Variants in USP40 observed in about 807,000 individuals in gnomAD.
USP40 encodes ubiquitin carboxyl-terminal hydrolase 40.
Under a neutral mutation model 166.2 loss-of-function variants are expected in USP40, and 143 were observed. The observed-to-expected ratio is 0.86, with a 90% CI of 0.75 to 0.99. The LOEUF is 0.99. USP40 is among the 50% of genes least tolerant of loss of function. The pLI is 0.00. For missense variants in USP40, 1,444 were observed against 1,479.7 expected (o/e 0.98, Z 0.40); for synonymous variants, 498 against 524.0 (o/e 0.95, Z 0.68).
At chr2:233,556,618 C>T in intron 5 of USP40, 1 of 255,872 alleles carries the variant, frequency 3.9e-6, no homozygotes, top group East Asian at 7.7e-5. Context: ...AATCTATTTT[C>T]CAAATATTAG....
rs1425552457 is a variant in USP40 at position 233,517,379 on chromosome 2, G to T, written c.2383+2235C>A. ...CAAAAAAGATACTTGCACATGCATG[G>T]TTTTTTGTTTTTTTTTTTTTTTTGA... On this transcript the variant is annotated intron_variant, in intron 18 of 31. Transcript: ENST00000678225. Among the ~76,000 whole-genome samples, 18 of 137,210 alleles carry T rather than the reference G, an allele frequency of 1.3e-4. No individual in the cohort carries two copies. The East Asian group carries it at 3.1e-3, about 23-fold the overall frequency. 90.0% of individuals were successfully genotyped at this position (137,210 alleles called of 152,430 possible). A position where few individuals can be genotyped will look rare whatever the true frequency, so the allele number is the denominator to read the frequency against.
At chr2:233,485,275 A>C (rs2064873367) in intron 30 of USP40, among the ~76,000 whole-genome samples, 1 of 152,202 alleles carries the variant, frequency 6.6e-6, no homozygotes, top group Non-Finnish European at 1.5e-5. Flanking sequence ...CTAGTATTTT[A>C]CTTAGAATTT....
rs1054644211 is a variant in USP40, at chr2:233,486,153, A to T, written c.3198-176T>A. Among the ~76,000 whole-genome samples the T allele has an allele frequency of 1.3e-5, 2 of 152,124 alleles. No homozygotes were observed. The highest frequency in any genetic ancestry group is 4.8e-5 in the African/African-American group (2 of 41,430). On this transcript the variant is annotated intron_variant, in intron 28 of 31. Transcript: ENST00000678225. The surrounding 1 kb of genome is among the most constrained non-coding windows in gnomAD (Gnocchi z 4.0). ...CTTATTCCGCATTTCAATTTCCTTT[A>T]ATCTTGGAATGAAGAGCGGAAGTGA...
chr2:233,498,816 G>A (rs145787774), intron 22 of USP40, among the ~76,000 whole-genome samples: 1 of 152,294 alleles, frequency 6.6e-6, no homozygotes, highest in Non-Finnish European at 1.5e-5. Context: ...TCACTGACAT[G>A]ATCTCACCTG....
chr2:233,513,078 T>G (rs2066942913), intron 18 of USP40, among the ~76,000 whole-genome samples: 1 of 152,214 alleles, frequency 6.6e-6, no homozygotes, highest in Admixed American at 6.5e-5. Flanking sequence ...TTAAAATGTT[T>G]TCTGTCTTTG....
chr2:233,517,820 GTGTGTA>G (rs1339562345), intron 18 of USP40, among the ~76,000 whole-genome samples: 63 of 146,414 alleles, frequency 4.3e-4, no homozygotes, highest in Non-Finnish European at 7.8e-4. Context: ...GTGTGTGTGT[GTGTGTA>G]TGATGGAATA....
At chr2:233,494,919 TATATATATATATATATA>T (rs2065587424) in intron 24 of USP40, among the ~76,000 whole-genome samples, 13 of 80,284 alleles carry the variant, frequency 1.6e-4, no homozygotes, top group Middle Eastern at 0.011. Flanking sequence ...AAATGGCATA[TATATATATATATATATA>T]TATATATATA....
intron 21 of USP40, among the ~76,000 whole-genome samples, chr2:233,505,559 A>G (rs2066363379): frequency 6.6e-6 from 1 of 152,192 alleles, no homozygotes; most frequent in Non-Finnish European, 1.5e-5. Context: ...CTACTTGCCA[A>G]TAAATTTAAA....
At chr2:233,520,903 C>T in intron 17 of USP40, 88 bp downstream of exon 17, 2 of 1,422,720 alleles carry the variant, frequency 1.4e-6, no homozygotes. Flanking sequence ...ATTGAGACAA[C>T]TGTTCTGAAA....
chr2:233,478,767 T>C (rs1160518579), intron 31 of USP40, among the ~76,000 whole-genome samples: 1 of 151,914 alleles, frequency 6.6e-6, no homozygotes, highest in African/African-American at 2.4e-5. Context: ...GGCAGCTGAG[T>C]ACACACTGGT....
chr2:233,523,101 G>C, intron 16 of USP40, 69 bp downstream of exon 16: 1 of 1,459,966 alleles, frequency 6.8e-7, no homozygotes. Flanking sequence ...TAAAGCTTTA[G>C]AGTTCTGCTG....
chr2:233,551,475 T>C lies in USP40; in HGVS notation c.738A>G (p.Leu246=). Residue 246 remains leucine, a synonymous_variant, in exon 7 of 32, where the codon TTA becomes TTG. Coordinates refer to ENST00000678225, the MANE Select transcript of USP40 (RefSeq NM_001365479.2). Reference sequence around the variant, plus strand: ...TCACAAAATCAAAATTAAATCTTAGTAATGAAACAGTAAGAAAAGGAGGCA... The same window carrying C: ...TCACAAAATCAAAATTAAATCTTAGCAATGAAACAGTAAGAAAAGGAGGCA... The part of the protein sequence containing the change: ...RKLPPFLTVS[L]LRFNFDFVKC... 6.2e-7 allele frequency: 1 copy of C among 1,609,706 alleles called. No individual in the cohort carries two copies. Among genetic ancestry groups the C allele is most frequent in the Non-Finnish European group, 8.5e-7 (1 of 1,178,100 alleles).
At chr2:233,501,348 A>C (rs2066060801) in intron 21 of USP40, among the ~76,000 whole-genome samples, 1 of 152,246 alleles carries the variant, frequency 6.6e-6, no homozygotes, top group South Asian at 2.1e-4. Context: ...ACCAGATCAC[A>C]TAGGCCCTTG....
In USP40 at chr2:233,475,815, A is replaced by G. The variant is rs1454257084; in HGVS notation, c.*1577T>C. On this transcript the variant is annotated 3_prime_UTR_variant, in exon 32 of 32. Coordinates refer to ENST00000678225, the MANE Select transcript of USP40 (RefSeq NM_001365479.2). ...TGAGATGAAGGCAGATGCTACAGAA[A>G]TATGTCAGTTAAAGCCACAGAAACA... 1 of 152,404 alleles carries G rather than the reference A, an allele frequency of 6.6e-6. No homozygotes were observed. The highest frequency in any genetic ancestry group is 1.5e-5 in the Non-Finnish European group (1 of 68,062). The allele number at this position is 152,404 out of a possible 1,614,324, so 9.4% of individuals were successfully genotyped here. A position where few individuals can be genotyped will look rare whatever the true frequency, so the allele number is the denominator to read the frequency against.
chr2:233,491,283 T>A, intron 25 of USP40, 22 bp from the exon 26 acceptor site: 1 of 1,555,080 alleles, frequency 6.4e-7, no homozygotes. Flanking sequence ...CAGAGCGGGA[T>A]GTTTACAAGG....
chr2:233,543,907 G>A (rs996557333), intron 8 of USP40, among the ~76,000 whole-genome samples: 7 of 152,210 alleles, frequency 4.6e-5, no homozygotes, highest in Non-Finnish European at 8.8e-5. Context: ...CCTACCCAAA[G>A]GAGGGAGTCG....
At chr2:233,535,535 C>A (rs2068869150) in intron 10 of USP40, among the ~76,000 whole-genome samples, 1 of 152,206 alleles carries the variant, frequency 6.6e-6, no homozygotes, top group Non-Finnish European at 1.5e-5. Context: ...GAGGAAGGAC[C>A]ATGACCCAGG....
At chr2:233,566,526 C>A (rs758102224) in intron 1 of USP40, among the ~76,000 whole-genome samples, 158 bp downstream of exon 1, 84 of 152,108 alleles carry the variant, frequency 5.5e-4, no homozygotes, top group Non-Finnish European at 9.4e-4. Flanking sequence ...GGCAGAGGTC[C>A]CCGTGGCCCG....
In USP40 at chr2:233,529,331, T is replaced by G. The variant is rs992993159; in HGVS notation, c.1553+100A>C. ...GACACTTGCATTAACAAGTTGACTA[T>G]TTTTTTTCTTTTTAATTTTCATTAC... is the stretch of plus-strand genomic sequence containing the variant. On this transcript the variant is annotated intron_variant, in intron 12 of 31. Transcript: ENST00000678225. 6 of 974,424 alleles carry G rather than the reference T, an allele frequency of 6.2e-6. 1 individual carries two copies. The highest frequency in any genetic ancestry group is 3.2e-5 in the Admixed American group (1 of 31,460). The allele number at this position is 974,424 out of a possible 1,614,324, so 60.4% of individuals were successfully genotyped here. A position where few individuals can be genotyped will look rare whatever the true frequency, so the allele number is the denominator to read the frequency against.
Sources: gnomAD v4.1 joint callset for allele counts (sites outside exome capture counted in the v4.1 genomes callset) on GRCh38, gnomAD v4.1.1 for gene constraint, Gnocchi (gnomAD v3.1) non-coding constraint, MANE v1.5 for transcripts, NCBI Gene and HGNC (gene_info 2026-07-23, HGNC 2026-07-21) for gene names.